Variants in SH2B3 observed in about 807,000 individuals in gnomAD.
SH2B3 encodes the protein SH2B adaptor protein 3.
SH2B3 carries 43 observed loss-of-function variants against 51.9 expected under a neutral mutation model. The observed-to-expected ratio is 0.83, with a 90% confidence interval of 0.65 to 1.07. The LOEUF (loss-of-function observed/expected upper bound fraction) is 1.07. SH2B3 is among the 50% of genes least tolerant of loss of function. SH2B3 has a pLI of 0.00. For missense variants in SH2B3, 952 were observed against 834.3 expected (o/e 1.14, Z -1.74); for synonymous variants, 396 against 376.0 (o/e 1.05, Z -0.62).
rs770527337 is a variant in SH2B3, at chr12:111,448,259, G to A, written c.1685G>A (p.Arg562Gln). The A allele has an allele frequency of 1.4e-5, 23 of 1,613,900 alleles. No individual in the cohort carries two copies. In the Admixed American group the frequency reaches 2.7e-4, roughly 19 times the overall value. ...DSDYEMDSSS[R>Q]SHLRAIDNQY... ...GACTACGAAATGGACTCATCCTCCC[G>A]GAGCCACCTGCGGGCCATAGACAAT... is the stretch of plus-strand genomic sequence containing the variant. Residue 562 changes from arginine (R) to glutamine (Q), a missense_variant, in exon 8 of 8, where the codon CGG (arginine) becomes CAG (glutamine). By Grantham distance (43) the Arg-to-Gln change is conservative. Transcript: ENST00000341259.
chr12:111,422,188 C>G (rs778419853), intron 2 of SH2B3, among the ~76,000 whole-genome samples: 2 of 151,806 alleles, frequency 1.3e-5, no homozygotes, highest in Non-Finnish European at 2.9e-5. Flanking sequence ...CAAGCTGATT[C>G]TCCTGCCTTA....
intron 2 of SH2B3, among the ~76,000 whole-genome samples, chr12:111,431,936 G>T (rs141426716): frequency 6.6e-6 from 1 of 152,022 alleles, no homozygotes; most frequent in African/African-American, 2.4e-5. Context: ...CTTTGCCTCC[G>T]CCTCCAAATT....
At position 111,409,813 on chromosome 12, in the gene SH2B3, C is replaced by T. The variant is rs1870544829; in HGVS notation, c.-28+3536C>T. Among the ~76,000 whole-genome samples the T allele has an allele frequency of 1.3e-5, 2 of 152,220 alleles. No homozygotes were observed. Among genetic ancestry groups the T allele is most frequent in the Admixed American group, 1.3e-4 (2 of 15,290 alleles). On this transcript the variant is annotated intron_variant, in intron 1 of 7. Transcript: ENST00000341259. This position sits in a 1 kb window ranked among gnomAD's most constrained non-coding sequence, Gnocchi z 4.0. ...ATCCCTCTACCAGGGCTCCAGGGTT[C>T]TGCTGGCCACCACTAGCCATCCTTC...
Position 111,448,377 on chromosome 12 carries a change from G to T in SH2B3, c.*75G>T. On this transcript the variant is annotated 3_prime_UTR_variant, in exon 8 of 8. Transcript: ENST00000341259. ...GAAGTGTGAACTTGTGAATGTAATT[G>T]ATCTTTCCTTCCTTCCAGAGAAAGA... 2 of 1,090,912 alleles carry T rather than the reference G, an allele frequency of 1.8e-6. No individual in the cohort carries two copies. The highest frequency in any genetic ancestry group is 2.4e-5 in the Admixed American group (1 of 41,572). 67.6% of individuals were successfully genotyped at this position (1,090,912 alleles called of 1,614,324 possible).
chr12:111,447,423 T>G lies in SH2B3; in HGVS notation c.1115T>G (p.Val372Gly). ...YPWFHGPISR[V>G]KAAQLVQLQG... ...TGGTTCCACGGCCCCATCTCCAGAG[T>G]GAAAGCAGCTCAGCTGGTTCAGCTG... Residue 372 changes from valine (V) to glycine (G), a missense_variant, in exon 6 of 8, where the codon GTG becomes GGG. Physicochemically the swap from Val to Gly is moderately radical, Grantham distance 109. Coordinates refer to ENST00000341259, the MANE Select transcript of SH2B3 (RefSeq NM_005475.3). 1 of 1,613,870 alleles carries G rather than the reference T, an allele frequency of 6.2e-7. No individual in the cohort carries two copies.
Position 111,435,169 on chromosome 12 carries a change from C to G in SH2B3, c.733-11584C>G, listed in dbSNP as rs562718856. 1 of 692,860 alleles carries G rather than the reference C, an allele frequency of 1.4e-6. No individual in the cohort carries two copies. Among genetic ancestry groups the G allele is most frequent in the Non-Finnish European group, 2.4e-6 (1 of 421,598 alleles). The allele number at this position is 692,860 out of a possible 1,614,324, so 42.9% of individuals were successfully genotyped here. ...AACCACATCTTTTTCCACCCACACCCGGTGCAGAGCAGATGCTTGGCCGGG... is the reference window on the plus strand; with the variant it reads ...AACCACATCTTTTTCCACCCACACCGGGTGCAGAGCAGATGCTTGGCCGGG... On this transcript the variant is annotated intron_variant, in intron 2 of 7. Transcript: ENST00000341259. This position sits in a 1 kb window ranked among gnomAD's most constrained non-coding sequence, Gnocchi z 4.8.
intron 2 of SH2B3, among the ~76,000 whole-genome samples, chr12:111,420,622 G>C (rs573294810): frequency 1.4e-4 from 21 of 152,312 alleles, no homozygotes; most frequent in African/African-American, 5.1e-4. Context: ...GATGTGGGTG[G>C]AGGAAACCTA....
chr12:111,442,386 G>A (rs1873502286), intron 2 of SH2B3, among the ~76,000 whole-genome samples: 1 of 152,240 alleles, frequency 6.6e-6, no homozygotes, highest in Admixed American at 6.5e-5. Context: ...GGCCCAGGCT[G>A]CCAGATGCCT....
In SH2B3 at chr12:111,448,832, G is replaced by C. The variant is rs955575364; in HGVS notation, c.*530G>C. 1 of 153,950 alleles carries C rather than the reference G, an allele frequency of 6.5e-6. No homozygotes were observed. Among genetic ancestry groups the C allele is most frequent in the African/African-American group, 2.4e-5 (1 of 41,462 alleles). The allele number at this position is 153,950 out of a possible 1,614,324, so 9.5% of individuals were successfully genotyped here. A position where few individuals can be genotyped will look rare whatever the true frequency, so the allele number is the denominator to read the frequency against. On this transcript the variant is annotated 3_prime_UTR_variant, in exon 8 of 8. Coordinates refer to ENST00000341259, the MANE Select transcript of SH2B3 (RefSeq NM_005475.3). ...CTCTCAGCTTTAGGACAAAAGCTCTGTCAGAGGCACAAGCTGAAGGTCAAA... is the reference window on the plus strand; with the variant it reads ...CTCTCAGCTTTAGGACAAAAGCTCTCTCAGAGGCACAAGCTGAAGGTCAAA...
chr12:111,440,059 T>C (rs1449560291), intron 2 of SH2B3, among the ~76,000 whole-genome samples: 2 of 152,222 alleles, frequency 1.3e-5, no homozygotes, highest in African/African-American at 2.4e-5. Context: ...CCAGCTCTCT[T>C]GACCTCCCTC....
Position 111,448,246 on chromosome 12 carries a change from G to C in SH2B3, c.1672G>C (p.Asp558His). Residue 558 changes from aspartate to histidine, a missense_variant, in exon 8 of 8, where the codon GAC becomes CAC. Asp to His is a moderately conservative substitution (Grantham distance 81). Transcript: ENST00000341259. ...AGCCCGGGACTCGGACTACGAAATG[G>C]ACTCATCCTCCCGGAGCCACCTGCG... ...NRARDSDYEM[D>H]SSSRSHLRAI... is the part of the protein sequence containing the mutation. 1 of 1,614,134 alleles carries C rather than the reference G, an allele frequency of 6.2e-7. No individual in the cohort carries two copies. The highest frequency in any genetic ancestry group is 8.5e-7 in the Non-Finnish European group (1 of 1,180,030).
chr12:111,445,816 CTG>C (rs1873901780), intron 2 of SH2B3, among the ~76,000 whole-genome samples: 1 of 152,242 alleles, frequency 6.6e-6, no homozygotes, highest in South Asian at 2.1e-4. Flanking sequence ...CCTGGCAGCT[CTG>C]TGTGTAAAGC....
chr12:111,410,738 C>T lies in SH2B3; in HGVS notation c.-28+4461C>T, dbSNP rs950778968. Among the ~76,000 whole-genome samples, 1 of 152,212 alleles carries T rather than the reference C, an allele frequency of 6.6e-6. No individual in the cohort carries two copies. On this transcript the variant is annotated intron_variant, in intron 1 of 7. Coordinates refer to ENST00000341259, the MANE Select transcript of SH2B3 (RefSeq NM_005475.3). The surrounding 1 kb of genome is among the most constrained non-coding windows in gnomAD (Gnocchi z 4.9). ...ACCCACCTCTCTGCCTCCCCAGGGA[C>T]CCTGCCTTCGCCCCCTGCTTCCCGT...
intron 2 of SH2B3, among the ~76,000 whole-genome samples, chr12:111,445,337 T>C (rs956200044): frequency 5.3e-5 from 8 of 152,130 alleles, no homozygotes; most frequent in African/African-American, 1.9e-4. Flanking sequence ...AGACAGGAAA[T>C]GAAGGCTCTG....
chr12:111,424,393 GGTTT>G (rs1199806832), intron 2 of SH2B3, among the ~76,000 whole-genome samples: 1 of 152,088 alleles, frequency 6.6e-6, no homozygotes, highest in Non-Finnish European at 1.5e-5. Context: ...CGGTTGTTGT[GGTTT>G]GTTATGGTTT....
chr12:111,404,963 C>T (rs1283160895), upstream of SH2B3, among the ~76,000 whole-genome samples: 2 of 152,124 alleles, frequency 1.3e-5, no homozygotes, highest in African/African-American at 4.8e-5. Context: ...AAGCTGGGGG[C>T]GTGGGCGACT....
intron 2 of SH2B3, among the ~76,000 whole-genome samples, chr12:111,445,192 C>T (rs915972334): frequency 1.3e-5 from 2 of 152,258 alleles, no homozygotes; most frequent in Non-Finnish European, 2.9e-5. Flanking sequence ...AGACTAGGCC[C>T]GTTCCCCTCC....
At position 111,429,626 on chromosome 12, in the gene SH2B3, G is replaced by A. The variant is rs142113565; in HGVS notation, c.732+10749G>A. 4.0e-4 allele frequency among the ~76,000 whole-genome samples: 61 copies of A among 152,298 alleles called. 1 individual carries two copies. In the South Asian group the frequency reaches 9.1e-3, roughly 23 times the overall value. ...TAGGATTACAGGCGTGAGCTACCGC[G>A]CCCGGCCCATTTTTATTAATTGGTT... On this transcript the variant is annotated intron_variant, in intron 2 of 7. Transcript: ENST00000341259. The surrounding 1 kb of genome is among the most constrained non-coding windows in gnomAD (Gnocchi z 4.4).
chr12:111,408,979 G>T (rs1244883637), intron 1 of SH2B3, among the ~76,000 whole-genome samples: 1 of 152,182 alleles, frequency 6.6e-6, no homozygotes, highest in Non-Finnish European at 1.5e-5. Flanking sequence ...AAAACAAGAG[G>T]CTTTTCCTGC....
Sources: gnomAD v4.1 joint callset for allele counts (sites outside exome capture counted in the v4.1 genomes callset) on GRCh38, gnomAD v4.1.1 for gene constraint, Gnocchi (gnomAD v3.1) non-coding constraint, MANE v1.5 for transcripts, NCBI Gene and HGNC (gene_info 2026-07-23, HGNC 2026-07-21) for gene names.